The following WWOX variants were observed in gnomAD, a reference collection of about 807,000 sequenced individuals.
WWOX encodes the protein WW domain-containing oxidoreductase.
In WWOX, 69 loss-of-function variants were observed where a neutral mutation model predicts 46.2. The ratio of observed to expected loss-of-function variants is 1.49; its 90% CI spans 1.23 to 1.82. The LOEUF is 1.82. WWOX is among the 40% of genes most tolerant of loss of function. The pLI, the probability that WWOX is intolerant of heterozygous loss-of-function variation, is 0.00. For synonymous variants in WWOX, 359 were observed against 202.6 expected, an observed-to-expected ratio of 1.77 and a Z score of -6.56; for missense variants, 919 against 542.6, an observed-to-expected ratio of 1.69 and a Z score of -6.89.
chr16:78,649,664 A>T (rs555833567), intron 8 of WWOX, among the ~76,000 whole-genome samples: 34 of 151,688 alleles, frequency 2.2e-4, no homozygotes, highest in Middle Eastern at 3.4e-3. Flanking sequence ...TTTACTTATG[A>T]CTCTGCCCCC....
chr16:78,194,498 G>GGT (rs2035984937), intron 5 of WWOX, among the ~76,000 whole-genome samples: 1 of 148,912 alleles, frequency 6.7e-6, no homozygotes, highest in Non-Finnish European at 1.5e-5. Flanking sequence ...TGAGGTGGGA[G>GGT]AATTGCTTGA....
At chr16:78,767,774 C>G (rs996483478) in intron 8 of WWOX, among the ~76,000 whole-genome samples, 1 of 152,082 alleles carries the variant, frequency 6.6e-6, no homozygotes, top group Non-Finnish European at 1.5e-5. Flanking sequence ...GAAGTGTTAC[C>G]TCCCTGCAGT....
intron 5 of WWOX, among the ~76,000 whole-genome samples, chr16:78,367,332 G>A (rs1020948475): frequency 7.2e-5 from 11 of 152,086 alleles, no homozygotes; most frequent in African/African-American, 2.7e-4. Context: ...TGCAGCCTGT[G>A]GGCACATGTG....
At chr16:78,805,528 C>A (rs576821523) in intron 8 of WWOX, among the ~76,000 whole-genome samples, 2 of 152,024 alleles carry the variant, frequency 1.3e-5, no homozygotes, top group African/African-American at 4.8e-5. Context: ...CGTGATCCGC[C>A]CGCCTCAGCC....
intron 8 of WWOX, among the ~76,000 whole-genome samples, chr16:78,598,055 A>C (rs551201792): frequency 2.0e-5 from 3 of 152,186 alleles, no homozygotes; most frequent in Non-Finnish European, 4.4e-5. Context: ...TAATCTCCAG[A>C]CTGCGCTTCA....
At chr16:78,297,671 G>A (rs978305910) in intron 5 of WWOX, among the ~76,000 whole-genome samples, 9 of 152,132 alleles carry the variant, frequency 5.9e-5, no homozygotes, top group African/African-American at 1.7e-4. Flanking sequence ...ACGGAGCACC[G>A]GACTGATGCA....
At chr16:78,470,664 G>A (rs1438389246) in intron 8 of WWOX, among the ~76,000 whole-genome samples, 1 of 152,072 alleles carries the variant, frequency 6.6e-6, no homozygotes, top group African/African-American at 2.4e-5. Flanking sequence ...CAAGTAGCTG[G>A]GATTACAGGC....
At chr16:78,790,136 A>T (rs74515650) in intron 8 of WWOX, among the ~76,000 whole-genome samples, 1,587 of 152,032 alleles carry the variant, frequency 0.01, 32 homozygotes, top group African/African-American at 0.036. Flanking sequence ...TATTTTTTTT[A>T]AATTTATTTT....
intron 8 of WWOX, among the ~76,000 whole-genome samples, chr16:78,635,065 C>A (rs2151665929): frequency 6.6e-6 from 1 of 152,240 alleles, no homozygotes; most frequent in South Asian, 2.1e-4. Flanking sequence ...ATTTCCCCCT[C>A]TTACAGATAG....
At chr16:78,900,249 T>G (rs2044797125) in intron 8 of WWOX, among the ~76,000 whole-genome samples, 1 of 152,096 alleles carries the variant, frequency 6.6e-6, no homozygotes, top group South Asian at 2.1e-4. Flanking sequence ...TCCTCCTGTT[T>G]TGTGTCAGCT....
intron 8 of WWOX, among the ~76,000 whole-genome samples, chr16:78,818,233 C>T (rs1332924444): frequency 6.6e-6 from 1 of 152,214 alleles, no homozygotes; most frequent in African/African-American, 2.4e-5. Flanking sequence ...CTACAGGTTA[C>T]CCTGGAAGGG....
At chr16:78,576,414 C>G (rs1385537513) in intron 8 of WWOX, among the ~76,000 whole-genome samples, 2 of 152,140 alleles carry the variant, frequency 1.3e-5, no homozygotes, top group Non-Finnish European at 2.9e-5. Context: ...CTCTTTGTTC[C>G]TTTTGCACAC....
chr16:78,600,841 G>A (rs930554990), intron 8 of WWOX, among the ~76,000 whole-genome samples: 7 of 152,120 alleles, frequency 4.6e-5, no homozygotes, highest in Non-Finnish European at 8.8e-5. Flanking sequence ...ATGTCACTGT[G>A]CAGGTGACTC....
At chr16:79,054,085 G>A (rs2048218782) in intron 8 of WWOX, among the ~76,000 whole-genome samples, 1 of 152,074 alleles carries the variant, frequency 6.6e-6, no homozygotes, top group Admixed American at 6.6e-5. Context: ...AATAAAAGAA[G>A]CTATATTCAG....
chr16:78,845,847 A>C (rs2052284873), intron 8 of WWOX, among the ~76,000 whole-genome samples: 1 of 152,222 alleles, frequency 6.6e-6, no homozygotes, highest in Non-Finnish European at 1.5e-5. Context: ...AGTGAATATG[A>C]GAGTGAATAT....
chr16:78,375,974 C>A (rs1427882995), intron 5 of WWOX, among the ~76,000 whole-genome samples: 1 of 151,782 alleles, frequency 6.6e-6, no homozygotes, highest in Non-Finnish European at 1.5e-5. Flanking sequence ...CCTCAGCCTT[C>A]CAATTAGCGG....
intron 8 of WWOX, among the ~76,000 whole-genome samples, chr16:78,803,849 C>T (rs139009698): frequency 4.6e-4 from 70 of 152,198 alleles, no homozygotes; most frequent in African/African-American, 1.6e-3. Context: ...ATAAAATAGT[C>T]AGAGCTCAAA....
chr16:78,707,706 A>C (rs2048353009), intron 8 of WWOX, among the ~76,000 whole-genome samples: 1 of 152,094 alleles, frequency 6.6e-6, no homozygotes, highest in Non-Finnish European at 1.5e-5. Flanking sequence ...AACATGGTGA[A>C]ACCCCATCTC....
In WWOX at chr16:78,630,676, G is replaced by C. The variant is rs570792458; in HGVS notation, c.1056+197924G>C. 2.6e-5 allele frequency among the ~76,000 whole-genome samples: 4 copies of C among 152,234 alleles called. No individual in the cohort carries two copies. The East Asian group carries it at 7.8e-4, about 30-fold the overall frequency. ...CATTTCCCTGTGCTCATTTTGCCTT[G>C]CATCCTTTTGCTGTGATAAATCTCA... is the stretch of plus-strand genomic sequence containing the variant. On this transcript the variant is annotated intron_variant, in intron 8 of 8. Coordinates refer to ENST00000566780, the MANE Select transcript of WWOX (RefSeq NM_016373.4).
Sources: gnomAD v4.1 joint callset for allele counts (sites outside exome capture counted in the v4.1 genomes callset) on GRCh38, gnomAD v4.1.1 for gene constraint, MANE v1.5 for transcripts, NCBI Gene and HGNC (gene_info 2026-07-23, HGNC 2026-07-21) for gene names.